Variants in GRK5 observed in about 807,000 individuals in gnomAD.
GRK5 encodes G protein-coupled receptor kinase 5, also known as g protein-coupled receptor kinase GRK5.
Under a neutral mutation model 78.4 loss-of-function variants are expected in GRK5, and 40 were observed. The ratio of observed to expected loss-of-function variants is 0.51; its 90% confidence interval spans 0.40 to 0.66. GRK5 has a LOEUF of 0.66. Ranked by LOEUF, GRK5 falls within the 30% of genes least tolerant of loss-of-function variation. GRK5 has a pLI of 0.00. For synonymous variants in GRK5, 289 were observed against 296.8 expected (o/e 0.97, Z 0.27); for missense variants, 598 against 759.9 (o/e 0.79, Z 2.50).
At chr10:119,216,641 C>A (rs1848578747) in intron 1 of GRK5, among the ~76,000 whole-genome samples, 1 of 151,612 alleles carries the variant, frequency 6.6e-6, no homozygotes, top group Non-Finnish European at 1.5e-5. Flanking sequence ...AGACCCCTAT[C>A]TCTACAAAAA....
Position 119,380,906 on chromosome 10 carries a change from C to A in GRK5, c.240C>A (p.Tyr80Ter). Reference protein sequence around the residue: ...FCETRPGLECYIQFLDSVAEY... With the variant: ...FCETRPGLEC ...AAACCAGGCCTGGGCTGGAGTGTTA[C>A]ATTCAGTTCCTGGACTCCGTGGTAA... The change falls in exon 3 of 16, where the codon TAC becomes TAA. Residue 80 changes from tyrosine (Y) to a stop codon, truncating the protein, a stop_gained. Transcript: ENST00000392870. LOFTEE classifies it high-confidence loss of function. The A allele has an allele frequency of 6.2e-7, 1 of 1,611,610 alleles. No homozygotes were observed. The highest frequency in any genetic ancestry group is 8.5e-7 in the Non-Finnish European group (1 of 1,177,680).
At chr10:119,334,256 T>C (rs909353538) in intron 2 of GRK5, among the ~76,000 whole-genome samples, 4 of 152,134 alleles carry the variant, frequency 2.6e-5, no homozygotes, top group Non-Finnish European at 5.9e-5. Context: ...CAGTGAGCTA[T>C]GAATGTGCTG....
Position 119,253,419 on chromosome 10 carries a change from C to G in GRK5, c.52+45450C>G, listed in dbSNP as rs1035942791. Among the ~76,000 whole-genome samples, 2 of 152,214 alleles carry G rather than the reference C, an allele frequency of 1.3e-5. No individual in the cohort carries two copies. Among genetic ancestry groups the G allele is most frequent in the Non-Finnish European group, 2.9e-5 (2 of 68,042 alleles). Reference sequence around the variant, plus strand: ...GAGAAGAGGGACAAGCCAGCCTCCCCACCACCCCTGCCCTCCGTTCCTTTT... The same window carrying G: ...GAGAAGAGGGACAAGCCAGCCTCCCGACCACCCCTGCCCTCCGTTCCTTTT... On this transcript the variant is annotated intron_variant, in intron 1 of 15. Transcript: ENST00000392870. This position sits in a 1 kb window ranked among gnomAD's most constrained non-coding sequence, Gnocchi z 5.7.
chr10:119,314,242 A>G (rs1479391891), intron 1 of GRK5, among the ~76,000 whole-genome samples: 1 of 152,216 alleles, frequency 6.6e-6, no homozygotes, highest in African/African-American at 2.4e-5. Context: ...AGGCCCAGAA[A>G]GGGTTCCAGC....
chr10:119,444,528 C>G (rs767774388), intron 12 of GRK5, among the ~76,000 whole-genome samples: 1 of 152,150 alleles, frequency 6.6e-6, no homozygotes, highest in Non-Finnish European at 1.5e-5. Context: ...TGGCTCTCAG[C>G]CCCCAAGTCC....
chr10:119,346,883 C>G (rs1851104321), intron 2 of GRK5, among the ~76,000 whole-genome samples: 1 of 152,230 alleles, frequency 6.6e-6, no homozygotes, highest in Non-Finnish European at 1.5e-5. Context: ...GGACAGGCCT[C>G]CTCTCGGGCC....
intron 4 of GRK5, among the ~76,000 whole-genome samples, chr10:119,413,235 G>A (rs905221216): frequency 4.6e-5 from 7 of 151,738 alleles, no homozygotes; most frequent in Middle Eastern, 3.4e-3. Context: ...AGATGGCCAC[G>A]GCCCCTCCAT....
chr10:119,248,192 G>A (rs78947655), intron 1 of GRK5, among the ~76,000 whole-genome samples: 2 of 151,928 alleles, frequency 1.3e-5, no homozygotes, highest in African/African-American at 2.4e-5. Context: ...TTAAATTTTT[G>A]TGTGGAGAAA....
chr10:119,277,164 C>A (rs1849684557), intron 1 of GRK5, among the ~76,000 whole-genome samples: 1 of 152,096 alleles, frequency 6.6e-6, no homozygotes, highest in South Asian at 2.1e-4. Flanking sequence ...GATTGGGATT[C>A]TCTTGCTGGG....
intron 1 of GRK5, among the ~76,000 whole-genome samples, chr10:119,272,420 A>G (rs1849597002): frequency 2.6e-5 from 4 of 152,130 alleles, no homozygotes; most frequent in Admixed American, 2.6e-4. Context: ...CTACAAAAAT[A>G]CAAAAATTAG....
At chr10:119,434,923 G>A (rs1589808742) in intron 8 of GRK5, among the ~76,000 whole-genome samples, 3 of 152,356 alleles carry the variant, frequency 2.0e-5, no homozygotes, top group Non-Finnish European at 1.5e-5. Context: ...CACATCTTCT[G>A]AAATCTAGGC....
At chr10:119,331,149 C>T (rs1220082966) in intron 2 of GRK5, among the ~76,000 whole-genome samples, 2 of 152,216 alleles carry the variant, frequency 1.3e-5, no homozygotes, top group African/African-American at 2.4e-5. Context: ...ACCATGGGCC[C>T]CAGCCCTGTC....
intron 1 of GRK5, among the ~76,000 whole-genome samples, chr10:119,255,334 C>T (rs1849264517): frequency 6.6e-6 from 1 of 152,092 alleles, no homozygotes; most frequent in Non-Finnish European, 1.5e-5. Flanking sequence ...TAGCAGGGGC[C>T]TTTGTCACCA....
rs928801212 is a variant in GRK5 at position 119,412,253 on chromosome 10, C to T, written c.340-10913C>T. Reference sequence around the variant, plus strand: ...AGGCACAGTGAGAGCCTTCCAGCCTCGATCACAAGGACCTCTACCCACAGG... The same window carrying T: ...AGGCACAGTGAGAGCCTTCCAGCCTTGATCACAAGGACCTCTACCCACAGG... On this transcript the variant is annotated intron_variant, in intron 4 of 15. Transcript: ENST00000392870. This position sits in a 1 kb window ranked among gnomAD's most constrained non-coding sequence, Gnocchi z 4.3. Among the ~76,000 whole-genome samples, 32 of 152,314 alleles carry T rather than the reference C, an allele frequency of 2.1e-4. No homozygotes were observed. The highest frequency in any genetic ancestry group is 6.5e-4 in the African/African-American group (27 of 41,576).
intron 1 of GRK5, among the ~76,000 whole-genome samples, chr10:119,284,188 T>G (rs1223012625): frequency 6.6e-6 from 1 of 152,128 alleles, no homozygotes; most frequent in Non-Finnish European, 1.5e-5. Flanking sequence ...GAGCCTCTTA[T>G]GAAGTAGAAA....
intron 1 of GRK5, among the ~76,000 whole-genome samples, chr10:119,297,679 C>G (rs541523278): frequency 6.1e-4 from 93 of 152,300 alleles, no homozygotes; most frequent in African/African-American, 2.0e-3. Flanking sequence ...CCCTCTTGCT[C>G]TCTTGCTCTT....
At chr10:119,302,343 G>A (rs1191737576) in intron 1 of GRK5, among the ~76,000 whole-genome samples, 1 of 152,210 alleles carries the variant, frequency 6.6e-6, no homozygotes, top group Non-Finnish European at 1.5e-5. Flanking sequence ...CTGCTTCCTG[G>A]GTGATGCTAC....
chr10:119,301,891 C>A (rs1850188062), intron 1 of GRK5, among the ~76,000 whole-genome samples: 1 of 152,214 alleles, frequency 6.6e-6, no homozygotes, highest in South Asian at 2.1e-4. Flanking sequence ...TTCCAGGATT[C>A]CCGGCAGCCA....
chr10:119,257,489 G>T (rs76024707), intron 1 of GRK5, among the ~76,000 whole-genome samples: 4,417 of 152,312 alleles, frequency 0.029, 76 homozygotes, highest in Admixed American at 0.057. Flanking sequence ...TTTGGAAGGC[G>T]GAGGTGGGTG....
Sources: allele counts gnomAD v4.1 joint callset (sites outside exome capture counted in the v4.1 genomes callset), GRCh38; gene constraint gnomAD v4.1.1; non-coding constraint Gnocchi (gnomAD v3.1); transcripts MANE v1.5; gene names NCBI Gene and HGNC (gene_info 2026-07-23, HGNC 2026-07-21).